Variants in GGCX observed in about 807,000 individuals in gnomAD.
The protein encoded by GGCX is vitamin K-dependent gamma-carboxylase.
In GGCX, 63 loss-of-function variants were observed where a neutral mutation model predicts 88.5. The observed-to-expected ratio is 0.71, with a 90% CI of 0.58 to 0.88. The LOEUF (loss-of-function observed/expected upper bound fraction) is 0.88. Among genes scored for constraint, GGCX ranks in the 40% least tolerant of loss-of-function variants. The pLI, the probability that GGCX is intolerant of heterozygous loss-of-function variation, is 0.00. For synonymous variants in GGCX, 368 were observed against 365.8 expected, an observed-to-expected ratio of 1.01 and a Z score of -0.07; for missense variants, 805 against 932.9, an observed-to-expected ratio of 0.86 and a Z score of 1.79.
In GGCX at chr2:85,545,639, C is replaced by T. The variant is rs1193449606; in HGVS notation, c.*4295G>A. 6.6e-6 allele frequency: 1 copy of T among 152,132 alleles called. No individual in the cohort carries two copies. The highest frequency in any genetic ancestry group is 2.1e-4 in the South Asian group (1 of 4,834). The allele number at this position is 152,132 out of a possible 1,614,324, so 9.4% of individuals were successfully genotyped here. On this transcript the variant is annotated 3_prime_UTR_variant, in exon 15 of 15. Transcript: ENST00000233838. ...CCACTTAAGCCAAAATTCATGTGTC[C>T]TTATTGCAGCAGCCATTCAATGCCA... is the stretch of plus-strand genomic sequence containing the variant.
At chr2:85,556,047 T>C in intron 5 of GGCX, 135 bp downstream of exon 5, 1 of 704,906 alleles carries the variant, frequency 1.4e-6, no homozygotes, top group Non-Finnish European at 2.6e-6. Context: ...GAAGCCAGCC[T>C]AGCTTTCCAG....
intron 6 of GGCX, 94 bp downstream of exon 6, chr2:85,555,390 A>G: frequency 1.3e-6 from 1 of 741,186 alleles, no homozygotes; most frequent in Non-Finnish European, 2.5e-6. Flanking sequence ...TGGCAAATTC[A>G]GGCAAAGTAG....
In GGCX at chr2:85,554,169, C is replaced by T. The variant is rs1692101538; in HGVS notation, c.863G>A (p.Cys288Tyr). Residue 288 changes from cysteine to tyrosine, a missense_variant, in exon 7 of 15, where the codon TGC (cysteine) becomes TAC (tyrosine). Cys to Tyr is a radical substitution (Grantham distance 194, BLOSUM62 -2). Coordinates refer to ENST00000233838, the MANE Select transcript of GGCX (RefSeq NM_000821.7). The stretch of plus-strand genomic sequence containing the variant: ...AATGCTGAAAAGCTGGGAATTCATG[C>T]AGTGGAAGTAGGACACAAAGAACAG... ...IGLFFVSYFHCMNSQLFSIGM... is the reference protein window; with the variant it reads ...IGLFFVSYFHYMNSQLFSIGM... The T allele has an allele frequency of 2.5e-6, 4 of 1,612,908 alleles. No individual in the cohort carries two copies. The Admixed American group carries it at 6.7e-5, about 27-fold the overall frequency.
chr2:85,549,948 G>A lies in GGCX; in HGVS notation c.2263C>T (p.His755Tyr). The change falls in exon 15 of 15, where the codon CAC becomes TAC. Residue 755 changes from histidine to tyrosine, a missense_variant. His to Tyr is a moderately conservative substitution (Grantham distance 83). Coordinates refer to ENST00000233838, the MANE Select transcript of GGCX (RefSeq NM_000821.7). ...NPPESNPDPV[H>Y]SEF The stretch of plus-strand genomic sequence containing the variant: ...TCTGGCCCCCTTCAGAACTCTGAGT[G>A]GACAGGATCAGGATTTGACTCAGGA... 1 of 1,612,380 alleles carries A rather than the reference G, an allele frequency of 6.2e-7. No homozygotes were observed. The highest frequency in any genetic ancestry group is 1.1e-5 in the South Asian group (1 of 91,028).
chr2:85,555,714 C>G, intron 5 of GGCX, 124 bp from the exon 6 acceptor site: 5 of 684,802 alleles, frequency 7.3e-6, no homozygotes, highest in Non-Finnish European at 1.3e-5. Flanking sequence ...CAGTCCTTGA[C>G]CCAAATATTA....
rs943146376 is a variant in GGCX, at chr2:85,546,670, C to T, written c.*3264G>A. On this transcript the variant is annotated 3_prime_UTR_variant, in exon 15 of 15. Coordinates refer to ENST00000233838, the MANE Select transcript of GGCX (RefSeq NM_000821.7). ...AGTGAGCCGAGATGGCGCCATTGCA[C>T]TCCAGCCTGGGCCAGAGCAAGGTTC... 6.6e-6 allele frequency: 1 copy of T among 152,456 alleles called. No homozygotes were observed. The highest frequency in any genetic ancestry group is 1.9e-4 in the East Asian group (1 of 5,210). The allele number at this position is 152,456 out of a possible 1,614,324, so 9.4% of individuals were successfully genotyped here. A position where few individuals can be genotyped will look rare whatever the true frequency, so the allele number is the denominator to read the frequency against.
Position 85,552,995 on chromosome 2 carries a change from C to A in GGCX, c.1231G>T (p.Val411Leu), listed in dbSNP as rs201007172. 6 of 1,614,016 alleles carry A rather than the reference C, an allele frequency of 3.7e-6. No individual in the cohort carries two copies. The highest frequency in any genetic ancestry group is 1.7e-5 in the Admixed American group (1 of 60,004). ...MMVHSRSHQH[V>L]KITYRDGRTG... The stretch of plus-strand genomic sequence containing the variant: ...CGGCCATCACGGTAGGTGATCTTCA[C>A]GTGCTGGTGGGAGCGGGAGTGCACC... Residue 411 changes from valine to leucine, a missense_variant, in exon 9 of 15, where the codon GTG becomes TTG. Physicochemically the swap from Val to Leu is conservative, Grantham distance 32. This residue lies in a region of GGCX where 680 missense variants were observed against 763.7 expected (regional missense o/e 0.89). Transcript: ENST00000233838.
At chr2:85,553,582 G>T in intron 7 of GGCX, 85 bp from the exon 8 acceptor site, 1 of 1,306,374 alleles carries the variant, frequency 7.7e-7, no homozygotes, top group Non-Finnish European at 1.1e-6. Flanking sequence ...TCTCCCAGGT[G>T]TTCCACTGAA....
At chr2:85,552,781 T>C (rs193097560) in intron 9 of GGCX, 158 bp downstream of exon 9, 2 of 902,964 alleles carry the variant, frequency 2.2e-6, no homozygotes, top group East Asian at 4.8e-5. Context: ...TGCATTGCCC[T>C]ATCTCAACCC....
Position 85,545,116 on chromosome 2 carries a change from G to GT in GGCX, c.*4817dup, listed in dbSNP as rs976174967. 3 of 152,646 alleles carry GT rather than the reference G, an allele frequency of 2.0e-5. No homozygotes were observed. Among genetic ancestry groups the GT allele is most frequent in the South Asian group, 2.1e-4 (1 of 4,828 alleles). The allele number at this position is 152,646 out of a possible 1,614,324, so 9.5% of individuals were successfully genotyped here. A position where few individuals can be genotyped will look rare whatever the true frequency, so the allele number is the denominator to read the frequency against. On this transcript the variant is annotated 3_prime_UTR_variant, in exon 15 of 15. Coordinates refer to ENST00000233838, the MANE Select transcript of GGCX (RefSeq NM_000821.7). ...GCCATGGAGAAAGCTGACTTGGCTG[G>GT]TGTGGTACAGAGAAGCCAGCTTGTT...
chr2:85,560,177 G>A (rs1416042112), intron 2 of GGCX, among the ~76,000 whole-genome samples: 6 of 152,108 alleles, frequency 3.9e-5, no homozygotes, highest in Non-Finnish European at 8.8e-5. Flanking sequence ...TCTTGATTAG[G>A]GAGTCACAGC....
chr2:85,555,567 C>T lies in GGCX; in HGVS notation c.642G>A (p.Ala214=), dbSNP rs1295754355. ...AGTCTGCATCCAGCTTTTTCACACC[C>T]GCAATGAAGTACACAATGAAGATCT... ...RGQIFIVYFI[A]GVKKLDADWV... is the part of the protein sequence containing the mutation. The change falls in exon 6 of 15, where the codon GCG becomes GCA. Residue 214 remains alanine, a synonymous_variant. Coordinates refer to ENST00000233838, the MANE Select transcript of GGCX (RefSeq NM_000821.7). 12 of 1,587,820 alleles carry T rather than the reference C, an allele frequency of 7.6e-6. No homozygotes were observed. Among genetic ancestry groups the T allele is most frequent in the South Asian group, 3.3e-5 (3 of 90,578 alleles).
intron 2 of GGCX, among the ~76,000 whole-genome samples, chr2:85,559,497 G>T (rs1398628686): frequency 6.6e-6 from 1 of 152,148 alleles, no homozygotes; most frequent in Non-Finnish European, 1.5e-5. Flanking sequence ...CAGATCACCT[G>T]AGGTTGGGAG....
intron 10 of GGCX, among the ~76,000 whole-genome samples, chr2:85,552,191 G>C (rs548815822): frequency 1.1e-4 from 16 of 152,280 alleles, no homozygotes; most frequent in African/African-American, 3.9e-4. Flanking sequence ...ACCTGAGAAG[G>C]TATTATGTCA....
chr2:85,560,481 T>G (rs1430674709), intron 2 of GGCX, among the ~76,000 whole-genome samples: 4 of 151,820 alleles, frequency 2.6e-5, no homozygotes, highest in African/African-American at 9.7e-5. Flanking sequence ...TGGGCGCCTG[T>G]AATCCCAGCT....
At chr2:85,550,247 C>T (rs1691872935) in intron 14 of GGCX, 121 bp from the exon 15 acceptor site, 1 of 754,218 alleles carries the variant, frequency 1.3e-6, no homozygotes, top group Admixed American at 2.0e-5. Flanking sequence ...TGGGAATCTC[C>T]CCCCAAGTGA....
rs372745055 is a variant in GGCX, at chr2:85,551,048, C to G, written c.1765G>C (p.Val589Leu). The G allele has an allele frequency of 5.0e-6, 8 of 1,613,858 alleles. No individual in the cohort carries two copies. In the African/African-American group the frequency reaches 9.3e-5, roughly 19 times the overall value. Residue 589 changes from valine to leucine, a missense_variant, in exon 13 of 15, where the codon GTG becomes CTG. This residue lies in a region of GGCX where 680 missense variants were observed against 763.7 expected (regional missense o/e 0.89). Coordinates refer to ENST00000233838, the MANE Select transcript of GGCX (RefSeq NM_000821.7). ...MQLPAGEYHK[V>L]YTTSPSPSCY... ...GAAGGGCTAGGTGATGTCGTATACA[C>G]CTTATGGTACTCACCAGCAGGCAAC...
chr2:85,561,083 G>C, intron 1 of GGCX, 98 bp from the exon 2 acceptor site: 2 of 1,085,310 alleles, frequency 1.8e-6, no homozygotes, highest in Admixed American at 1.7e-5. Flanking sequence ...CCGCCCACCC[G>C]GGTCGGCTCA....
chr2:85,561,021 G>A (rs768632481), intron 1 of GGCX, 36 bp from the exon 2 acceptor site: 1 of 1,546,220 alleles, frequency 6.5e-7, no homozygotes, highest in African/African-American at 1.4e-5. Flanking sequence ...TGTGTGCGGG[G>A]GTGGGCTCCA....
Sources: allele counts gnomAD v4.1 joint callset (sites outside exome capture counted in the v4.1 genomes callset), GRCh38; gene constraint gnomAD v4.1.1; regional missense constraint gnomAD v4.1.1; transcripts MANE v1.5; gene names NCBI Gene and HGNC (gene_info 2026-07-23, HGNC 2026-07-21).